Variants in PHC2 observed in about 807,000 individuals in gnomAD.
PHC2 encodes the protein polyhomeotic homolog 2.
Under a neutral mutation model 87.4 loss-of-function variants are expected in PHC2, and 29 were observed. The observed-to-expected ratio is 0.33, with a 90% confidence interval of 0.25 to 0.45. The LOEUF (loss-of-function observed/expected upper bound fraction) is 0.45, where lower values mean the gene tolerates loss of function less well. PHC2 is among the 20% of genes least tolerant of loss of function. The pLI is 1.00. For missense variants in PHC2, 857 were observed against 1,136.7 expected (o/e 0.75, Z 3.54); for synonymous variants, 438 against 461.7 (o/e 0.95, Z 0.66).
rs1438764865 is a variant in PHC2 at position 33,324,078 on chromosome 1, TG to T, written c.*786del. 2.0e-5 allele frequency: 3 copies of T among 152,402 alleles called. No individual in the cohort carries two copies. The highest frequency in any genetic ancestry group is 4.4e-5 in the Non-Finnish European group (3 of 68,152). 9.4% of individuals were successfully genotyped at this position (152,402 alleles called of 1,614,324 possible). ...GGGAACTTCACAGTGCGGGGAGGGG[TG>T]TCTGGAAAGGAAACTCTGAAGCGCC... On this transcript the variant is annotated 3_prime_UTR_variant, in exon 15 of 15. Coordinates refer to ENST00000683057, the MANE Select transcript of PHC2 (RefSeq NM_001385109.1).
intron 1 of PHC2, among the ~76,000 whole-genome samples, chr1:33,377,191 C>T (rs1648228774): frequency 6.6e-6 from 1 of 152,184 alleles, no homozygotes; most frequent in South Asian, 2.1e-4. Context: ...TTAGATGTGA[C>T]AGGATATGGG....
rs1363166180 is a variant in PHC2, at chr1:33,332,481, C to T, written c.1762-77G>A. ...TTGCTATCCATCCTCATCACAATTA[C>T]ACGTATAAAGTATCCAGGCACAGAG... On this transcript the variant is annotated intron_variant, in intron 10 of 14. Coordinates refer to ENST00000683057, the MANE Select transcript of PHC2 (RefSeq NM_001385109.1). The surrounding 1 kb of genome is among the most constrained non-coding windows in gnomAD (Gnocchi z 4.2). 3 of 1,550,192 alleles carry T rather than the reference C, an allele frequency of 1.9e-6. No individual in the cohort carries two copies. The highest frequency in any genetic ancestry group is 3.4e-5 in the Admixed American group (2 of 59,622).
intron 1 of PHC2, among the ~76,000 whole-genome samples, chr1:33,388,392 T>C (rs1648869430): frequency 6.6e-6 from 1 of 151,210 alleles, no homozygotes; most frequent in African/African-American, 2.4e-5. Context: ...GGCGCGATCC[T>C]GGCTCACCGC....
At chr1:33,397,906 G>A (rs974105897) in intron 1 of PHC2, among the ~76,000 whole-genome samples, 1 of 152,022 alleles carries the variant, frequency 6.6e-6, no homozygotes, top group Non-Finnish European at 1.5e-5. Context: ...GATGCCTCCC[G>A]GGGAGTAGGG....
intron 1 of PHC2, among the ~76,000 whole-genome samples, chr1:33,418,212 AAAT>A (rs975504671): frequency 6.6e-6 from 1 of 152,160 alleles, no homozygotes; most frequent in Admixed American, 6.5e-5. Context: ...AAAAGGAAGG[AAAT>A]AATAAAGAGT....
chr1:33,346,468 C>T (rs1646846736), intron 9 of PHC2: 1 of 984,654 alleles, frequency 1.0e-6, no homozygotes, highest in Non-Finnish European at 1.2e-6. Flanking sequence ...CAGTAGGTGT[C>T]CTTTCAGAAG....
At chr1:33,363,711 C>T (rs1438759685) in intron 7 of PHC2, 1 of 979,670 alleles carries the variant, frequency 1.0e-6, no homozygotes, top group Non-Finnish European at 1.2e-6. Flanking sequence ...GCATATCCCT[C>T]CCAGTCAGCA....
Position 33,369,494 on chromosome 1 carries a change from C to T in PHC2, c.577-872G>A, listed in dbSNP as rs927293769. 4.6e-5 allele frequency among the ~76,000 whole-genome samples: 7 copies of T among 152,196 alleles called. No homozygotes were observed. The highest frequency in any genetic ancestry group is 1.0e-4 in the Non-Finnish European group (7 of 68,030). Reference sequence around the variant, plus strand: ...GCAGCAGCATCACAGTGTGGCTGTCCAGTTCCCGAGGAGATGGAAGTCTAT... The same window carrying T: ...GCAGCAGCATCACAGTGTGGCTGTCTAGTTCCCGAGGAGATGGAAGTCTAT... On this transcript the variant is annotated intron_variant, in intron 5 of 14. Coordinates refer to ENST00000683057, the MANE Select transcript of PHC2 (RefSeq NM_001385109.1). The surrounding 1 kb of genome is among the most constrained non-coding windows in gnomAD (Gnocchi z 4.7).
At chr1:33,399,179 C>T (rs1012177452) in intron 1 of PHC2, among the ~76,000 whole-genome samples, 1 of 152,106 alleles carries the variant, frequency 6.6e-6, no homozygotes, top group African/African-American at 2.4e-5. Flanking sequence ...CTATGCTACA[C>T]TGAGTCACTG....
chr1:33,416,511 G>A (rs1650212475), intron 1 of PHC2, among the ~76,000 whole-genome samples: 1 of 149,378 alleles, frequency 6.7e-6, no homozygotes, highest in Non-Finnish European at 1.5e-5. Context: ...AGGAGGCAGA[G>A]GTTGCAGTGA....
rs191142565 is a variant in PHC2, at chr1:33,404,075, T to A, written c.-55+26901A>T. Among the ~76,000 whole-genome samples, 3 of 152,300 alleles carry A rather than the reference T, an allele frequency of 2.0e-5. No homozygotes were observed. The East Asian group carries it at 5.8e-4, about 29-fold the overall frequency. The stretch of plus-strand genomic sequence containing the variant: ...GCTCAGACCTCTCCTCTGAGTGAAG[T>A]ATCCCATTATCTTGTCAACACCTCT... On this transcript the variant is annotated intron_variant, in intron 1 of 14. Coordinates refer to ENST00000683057, the MANE Select transcript of PHC2 (RefSeq NM_001385109.1).
chr1:33,356,843 C>T (rs1424311303), intron 7 of PHC2, among the ~76,000 whole-genome samples: 1 of 152,060 alleles, frequency 6.6e-6, no homozygotes, highest in East Asian at 1.9e-4. Context: ...GGCAGAGAGG[C>T]TCCTCACTTC....
intron 9 of PHC2, among the ~76,000 whole-genome samples, chr1:33,342,500 A>C: frequency 6.6e-6 from 1 of 152,242 alleles, no homozygotes; most frequent in African/African-American, 2.4e-5. Flanking sequence ...GAAGGAATCA[A>C]TGGAGCGAAC....
chr1:33,350,227 G>A (rs1040828238), intron 9 of PHC2: 4 of 152,278 alleles, frequency 2.6e-5, no homozygotes, highest in African/African-American at 9.6e-5. Context: ...CAGTCACCGA[G>A]AGCTCAGTTC....
rs1647719283 is a variant in PHC2, at chr1:33,369,938, G to A, written c.576+483C>T. ...TGCCCAAACAAGCTCACCTGACCCT[G>A]ATTAGAATGGGGGCCGCTGGGAGGG... On this transcript the variant is annotated intron_variant, in intron 5 of 14. Coordinates refer to ENST00000683057, the MANE Select transcript of PHC2 (RefSeq NM_001385109.1). The surrounding 1 kb of genome is among the most constrained non-coding windows in gnomAD (Gnocchi z 4.7). 6.6e-6 allele frequency among the ~76,000 whole-genome samples: 1 copy of A among 152,170 alleles called. No homozygotes were observed.
At chr1:33,402,759 T>C (rs1361359373) in intron 1 of PHC2, among the ~76,000 whole-genome samples, 1 of 152,184 alleles carries the variant, frequency 6.6e-6, no homozygotes, top group African/African-American at 2.4e-5. Context: ...AAAAAGTATA[T>C]TGTAAAAATA....
In PHC2 at chr1:33,354,956, G is replaced by A. The variant is rs1647042228; in HGVS notation, c.1274C>T (p.Pro425Leu). Residue 425 changes from proline to leucine, a missense_variant, in exon 8 of 15, where the codon CCT (proline) becomes CTT (leucine). Coordinates refer to ENST00000683057, the MANE Select transcript of PHC2 (RefSeq NM_001385109.1). The stretch of plus-strand genomic sequence containing the variant: ...CTGAGGCCCAGTATCAGGTGTGGGA[G>A]GGTGACACTGCTGACTGCCGCCAGG... ...HKPGGSQQCH[P>L]PTPDTGPQNG... 6.2e-7 allele frequency: 1 copy of A among 1,614,232 alleles called. No homozygotes were observed. The highest frequency in any genetic ancestry group is 8.5e-7 in the Non-Finnish European group (1 of 1,180,054).
intron 1 of PHC2, among the ~76,000 whole-genome samples, chr1:33,413,590 A>T (rs1650070177): frequency 6.6e-6 from 1 of 152,272 alleles, no homozygotes; most frequent in African/African-American, 2.4e-5. Flanking sequence ...GAAGCTCTTT[A>T]TGAAGATTGT....
chr1:33,363,678 C>A, intron 7 of PHC2: 1 of 900,752 alleles, frequency 1.1e-6, no homozygotes, highest in East Asian at 1.2e-4. Context: ...TTTTCAACAA[C>A]CCGACAGTTC....
Sources: allele counts gnomAD v4.1 joint callset (sites outside exome capture counted in the v4.1 genomes callset), GRCh38; gene constraint gnomAD v4.1.1; non-coding constraint Gnocchi (gnomAD v3.1); transcripts MANE v1.5; gene names NCBI Gene and HGNC (gene_info 2026-07-23, HGNC 2026-07-21).